Variants in DLG2 observed in about 807,000 individuals in gnomAD.
DLG2 encodes the protein discs large MAGUK scaffold protein 2.
In DLG2, 45 loss-of-function variants were observed where a neutral mutation model predicts 132.5. That is an observed-to-expected ratio of 0.34 (90% confidence interval 0.27 to 0.44). DLG2 has a LOEUF of 0.44. Among genes scored for constraint, DLG2 ranks in the 20% least tolerant of loss-of-function variants. The pLI is 1.00. For missense variants in DLG2, 1,045 were observed against 1,196.9 expected (o/e 0.87, Z 1.87); for synonymous variants, 424 against 419.6 (o/e 1.01, Z -0.13).
At chr11:84,402,683 C>T (rs1026464711) in intron 7 of DLG2, among the ~76,000 whole-genome samples, 8 of 151,986 alleles carry the variant, frequency 5.3e-5, no homozygotes, top group Admixed American at 5.2e-4. Context: ...GAGATAAAGA[C>T]CACCCCGGCT....
intron 4 of DLG2, among the ~76,000 whole-genome samples, chr11:85,272,172 T>C (rs2077575558): frequency 6.6e-6 from 1 of 152,020 alleles, no homozygotes. Flanking sequence ...GACTTGATGG[T>C]TTTATAAAGG....
chr11:85,128,772 ATTAGTTATTGGATTGTGT>A (rs1287386278), intron 5 of DLG2, among the ~76,000 whole-genome samples: 1 of 152,120 alleles, frequency 6.6e-6, no homozygotes, highest in Non-Finnish European at 1.5e-5. Flanking sequence ...AATGTGTTGC[ATTAGTTATTGGATTGTGT>A]TTAGCCAGTG....
chr11:85,577,657 T>C (rs186418503), intron 3 of DLG2, among the ~76,000 whole-genome samples: 1 of 152,174 alleles, frequency 6.6e-6, no homozygotes, highest in African/African-American at 2.4e-5. Flanking sequence ...CCAATAGATA[T>C]TTAAAACCAT....
At chr11:84,952,455 T>TGCAGTGAGCGGAGATC (rs1197879744) in intron 6 of DLG2, among the ~76,000 whole-genome samples, 1 of 151,984 alleles carries the variant, frequency 6.6e-6, no homozygotes, top group Non-Finnish European at 1.5e-5. Context: ...AGGCGGAGCT[T>TGCAGTGAGCGGAGATC]GCAGTGAGCG....
chr11:85,182,077 G>A (rs2152513779), intron 4 of DLG2, among the ~76,000 whole-genome samples: 1 of 152,096 alleles, frequency 6.6e-6, no homozygotes, highest in South Asian at 2.1e-4. Flanking sequence ...CATTTTGGTA[G>A]TTGGGGTTAG....
intron 8 of DLG2, among the ~76,000 whole-genome samples, chr11:84,175,848 G>A (rs1294626196): frequency 2.6e-5 from 4 of 152,010 alleles, no homozygotes; most frequent in Admixed American, 2.6e-4. Flanking sequence ...AAAGCATTCT[G>A]CTGCTTTATT....
At chr11:84,968,497 T>C (rs1344945831) in intron 6 of DLG2, among the ~76,000 whole-genome samples, 1 of 152,158 alleles carries the variant, frequency 6.6e-6, no homozygotes, top group Non-Finnish European at 1.5e-5. Context: ...AGTCTGTCCA[T>C]GAACTCCAAT....
intron 6 of DLG2, among the ~76,000 whole-genome samples, chr11:84,665,641 T>G (rs1335776158): frequency 6.6e-6 from 1 of 152,182 alleles, no homozygotes; most frequent in African/African-American, 2.4e-5. Context: ...TTGAAGACGG[T>G]TGCTTCTTTC....
chr11:83,825,050 GTTT>G (rs895395284), intron 17 of DLG2, among the ~76,000 whole-genome samples: 1 of 135,732 alleles, frequency 7.4e-6, no homozygotes, highest in African/African-American at 2.8e-5. Flanking sequence ...TGTTGTTGTT[GTTT>G]TTGTTTTTTA....
chr11:83,969,241 G>A lies in DLG2; in HGVS notation c.1057-3773C>T, dbSNP rs184478226. On this transcript the variant is annotated intron_variant, in intron 12 of 27. Coordinates refer to ENST00000376104, the MANE Select transcript of DLG2 (RefSeq NM_001142699.3). ...ACGAGATGAAAATGAGATTATATTTGTATGTTGATTCATTAAAAGCTAGGG... is the reference window on the plus strand; with the variant it reads ...ACGAGATGAAAATGAGATTATATTTATATGTTGATTCATTAAAAGCTAGGG... 1.5e-4 allele frequency among the ~76,000 whole-genome samples: 23 copies of A among 152,210 alleles called. No individual in the cohort carries two copies. The East Asian group carries it at 4.2e-3, about 28-fold the overall frequency.
At chr11:84,932,724 G>GTA (rs3066340) in intron 6 of DLG2, among the ~76,000 whole-genome samples, 86 of 139,346 alleles carry the variant, frequency 6.2e-4, no homozygotes, top group South Asian at 8.6e-4. Context: ...GTATTCCATG[G>GTA]TATATATATA....
At chr11:83,829,182 T>C (rs1205976472) in intron 17 of DLG2, among the ~76,000 whole-genome samples, 1 of 147,710 alleles carries the variant, frequency 6.8e-6, no homozygotes, top group Non-Finnish European at 1.5e-5. Context: ...TTAATATGTA[T>C]TGAATTTTAT....
chr11:85,163,855 C>G (rs1370623800), intron 4 of DLG2, among the ~76,000 whole-genome samples: 1 of 152,056 alleles, frequency 6.6e-6, no homozygotes, highest in Non-Finnish European at 1.5e-5. Flanking sequence ...TTTGGCTGAG[C>G]TACAAATTAA....
chr11:85,002,627 T>C (rs184473735), intron 6 of DLG2, among the ~76,000 whole-genome samples: 1 of 152,154 alleles, frequency 6.6e-6, no homozygotes, highest in African/African-American at 2.4e-5. Flanking sequence ...AGTGTCCACA[T>C]TGGTATTTGT....
At chr11:85,372,316 T>C (rs2085047133) in intron 3 of DLG2, among the ~76,000 whole-genome samples, 1 of 152,218 alleles carries the variant, frequency 6.6e-6, no homozygotes, top group East Asian at 1.9e-4. Flanking sequence ...CAAGCATAAC[T>C]ATAGCTACCA....
intron 7 of DLG2, among the ~76,000 whole-genome samples, chr11:84,322,783 T>C (rs893451188): frequency 6.6e-6 from 1 of 151,960 alleles, no homozygotes; most frequent in African/African-American, 2.4e-5. Context: ...AGAGACAGGG[T>C]TTCACCATGT....
intron 7 of DLG2, among the ~76,000 whole-genome samples, chr11:84,451,625 A>T (rs1051479749): frequency 6.6e-6 from 1 of 151,796 alleles, no homozygotes; most frequent in Non-Finnish European, 1.5e-5. Context: ...ACAAATCCTA[A>T]TTTGAATGTT....
At position 83,970,434 on chromosome 11, in the gene DLG2, A is replaced by C. The variant is rs56270409; in HGVS notation, c.1057-4966T>G. ...GGGGAGAATAATAATAGTGGTTTAAAATAGTGGTAGTTCACTCAGTTTCTA... is the reference window on the plus strand; with the variant it reads ...GGGGAGAATAATAATAGTGGTTTAACATAGTGGTAGTTCACTCAGTTTCTA... On this transcript the variant is annotated intron_variant, in intron 12 of 27. Transcript: ENST00000376104. Among the ~76,000 whole-genome samples the C allele has an allele frequency of 5.0e-3, 756 of 152,292 alleles. 1 individual carries two copies. The highest frequency in any genetic ancestry group is 0.017 in the African/African-American group (723 of 41,566).
intron 3 of DLG2, among the ~76,000 whole-genome samples, chr11:85,368,126 A>G (rs975728204): frequency 3.9e-5 from 6 of 152,208 alleles, no homozygotes; most frequent in Non-Finnish European, 7.3e-5. Flanking sequence ...AGTTTGTTTC[A>G]TTAAAGTTAA....
Sources: gnomAD v4.1 joint callset for allele counts (sites outside exome capture counted in the v4.1 genomes callset) on GRCh38, gnomAD v4.1.1 for gene constraint, MANE v1.5 for transcripts, NCBI Gene and HGNC (gene_info 2026-07-23, HGNC 2026-07-21) for gene names.